The following CMSS1 variants were observed in gnomAD, a reference collection of about 807,000 sequenced individuals.
The protein encoded by CMSS1 is cms1 ribosomal small subunit homolog, also known as protein CMSS1.
Under a neutral mutation model 43.5 loss-of-function variants are expected in CMSS1, and 33 were observed. The ratio of observed to expected loss-of-function variants is 0.76; its 90% CI spans 0.57 to 1.01. The LOEUF (loss-of-function observed/expected upper bound fraction) is 1.01. Ranked by LOEUF, CMSS1 falls within the 50% of genes least tolerant of loss-of-function variation. The probability of loss-of-function intolerance (pLI) is 0.00; values close to 1 mark genes in which losing one functional copy is unlikely to be tolerated. For synonymous variants in CMSS1, 115 were observed against 117.2 expected, an observed-to-expected ratio of 0.98 and a Z score of 0.12; for missense variants, 313 against 326.4, an observed-to-expected ratio of 0.96 and a Z score of 0.32.
At chr3:100,009,406 T>G (rs1710078820) in intron 1 of CMSS1, among the ~76,000 whole-genome samples, 1 of 152,156 alleles carries the variant, frequency 6.6e-6, no homozygotes, top group African/African-American at 2.4e-5. Context: ...TCTGCTCCTG[T>G]TAGCAACCTG....
At chr3:99,959,369 C>T (rs1355004741) in intron 1 of CMSS1, among the ~76,000 whole-genome samples, 4 of 152,178 alleles carry the variant, frequency 2.6e-5, no homozygotes, top group Non-Finnish European at 5.9e-5. Flanking sequence ...AGGCTGGTCT[C>T]GAACTCCTGT....
At chr3:99,820,704 G>A (rs149125229) in intron 1 of CMSS1, among the ~76,000 whole-genome samples, 2,397 of 152,258 alleles carry the variant, frequency 0.016, 58 homozygotes, top group African/African-American at 0.054. Flanking sequence ...TTTGTTGATG[G>A]GATCTAGCCT....
chr3:99,829,858 C>CT (rs1942616660), intron 1 of CMSS1, among the ~76,000 whole-genome samples: 1 of 152,148 alleles, frequency 6.6e-6, no homozygotes, highest in African/African-American at 2.4e-5. Flanking sequence ...CTGTTATTCA[C>CT]TTTTGTTATG....
chr3:100,086,115 G>T (rs2066004407), intron 1 of CMSS1, among the ~76,000 whole-genome samples: 1 of 152,200 alleles, frequency 6.6e-6, no homozygotes, highest in Admixed American at 6.5e-5. Context: ...AAATAAACAT[G>T]TATCTTTCTG....
Position 100,177,404 on chromosome 3 carries a change from T to C in CMSS1, c.757-901T>C. Among the ~76,000 whole-genome samples, 3 of 152,378 alleles carry C rather than the reference T, an allele frequency of 2.0e-5. No homozygotes were observed. The East Asian group carries it at 5.8e-4, about 29-fold the overall frequency. On this transcript the variant is annotated intron_variant, in intron 9 of 9. Coordinates refer to ENST00000421999, the MANE Select transcript of CMSS1 (RefSeq NM_032359.4). ...ATAGTTGATTATTTCAGTTATAATA[T>C]TAAATTTGACTAATCTACTAAGTTT...
intron 1 of CMSS1, among the ~76,000 whole-genome samples, chr3:99,936,542 A>AAT (rs1707679470): frequency 7.3e-6 from 1 of 136,404 alleles, no homozygotes; most frequent in African/African-American, 2.9e-5. Flanking sequence ...CACCCAGCTA[A>AAT]TTTTTGTATT....
At chr3:99,843,267 G>T (rs2107509766) in intron 1 of CMSS1, among the ~76,000 whole-genome samples, 1 of 152,328 alleles carries the variant, frequency 6.6e-6, no homozygotes, top group African/African-American at 2.4e-5. Flanking sequence ...CCTTGTAGGT[G>T]TCAGACAGCC....
chr3:99,930,954 G>A (rs1367237814), intron 1 of CMSS1: 1 of 1,613,500 alleles, frequency 6.2e-7, no homozygotes, highest in African/African-American at 1.3e-5. Context: ...TGGAAACTGT[G>A]GCCTTTAGTA....
intron 1 of CMSS1, chr3:99,929,885 C>G: frequency 6.2e-7 from 1 of 1,613,538 alleles, no homozygotes; most frequent in Non-Finnish European, 8.5e-7. Context: ...TAGATGTCCT[C>G]CTGCCAAGGG....
At chr3:99,934,643 A>G (rs545060695) in intron 1 of CMSS1, among the ~76,000 whole-genome samples, 2 of 152,316 alleles carry the variant, frequency 1.3e-5, no homozygotes, top group South Asian at 2.1e-4. Context: ...AACATTGTTC[A>G]TAAGTAGTGC....
intron 1 of CMSS1, among the ~76,000 whole-genome samples, chr3:99,831,251 C>T (rs1234971296): frequency 6.6e-6 from 1 of 152,132 alleles, no homozygotes; most frequent in East Asian, 1.9e-4. Context: ...TTCAGGAAAA[C>T]GTTTACTTAG....
intron 1 of CMSS1, among the ~76,000 whole-genome samples, chr3:100,089,796 T>A (rs775301075): frequency 2.0e-5 from 3 of 152,244 alleles, no homozygotes; most frequent in Non-Finnish European, 4.4e-5. Flanking sequence ...TCAGGCTTTT[T>A]AAGTAGAATG....
intron 1 of CMSS1, among the ~76,000 whole-genome samples, chr3:99,968,359 C>A (rs1037768954): frequency 1.3e-4 from 20 of 151,648 alleles, no homozygotes; most frequent in Non-Finnish European, 1.0e-4. Flanking sequence ...AGATAAAGGA[C>A]CTGTTTTGCT....
At chr3:99,892,257 A>G (rs1706106643) in intron 1 of CMSS1, among the ~76,000 whole-genome samples, 1 of 152,226 alleles carries the variant, frequency 6.6e-6, no homozygotes, top group Non-Finnish European at 1.5e-5. Context: ...GAACCATGTA[A>G]TGTGAGGGCT....
chr3:100,080,154 T>C (rs2065908737), intron 1 of CMSS1, among the ~76,000 whole-genome samples: 1 of 152,174 alleles, frequency 6.6e-6, no homozygotes, highest in African/African-American at 2.4e-5. Flanking sequence ...TAAAAATTTC[T>C]ATTTTTTTAA....
intron 1 of CMSS1, among the ~76,000 whole-genome samples, chr3:99,881,431 AGG>A (rs1338140201): frequency 5.9e-5 from 9 of 152,176 alleles, no homozygotes; most frequent in Non-Finnish European, 1.0e-4. Flanking sequence ...AAGACCTATT[AGG>A]TCATCTTCCC....
At chr3:99,864,031 A>G (rs1944388474) in intron 1 of CMSS1, among the ~76,000 whole-genome samples, 2 of 152,242 alleles carry the variant, frequency 1.3e-5, no homozygotes, top group South Asian at 4.1e-4. Context: ...ACTTCATGCT[A>G]AAGAAATTAA....
chr3:99,927,664 C>G (rs753774287), intron 1 of CMSS1, among the ~76,000 whole-genome samples: 1 of 152,126 alleles, frequency 6.6e-6, no homozygotes, highest in African/African-American at 2.4e-5. Flanking sequence ...CCACTGCGCC[C>G]GGCCCATATT....
At chr3:99,904,134 A>G (rs573895097) in intron 1 of CMSS1, among the ~76,000 whole-genome samples, 71 of 152,338 alleles carry the variant, frequency 4.7e-4, no homozygotes, top group Non-Finnish European at 9.7e-4. Flanking sequence ...ATTTCTGGCA[A>G]TAGTGAGTGT....
Sources: allele counts gnomAD v4.1 joint callset (sites outside exome capture counted in the v4.1 genomes callset), GRCh38; gene constraint gnomAD v4.1.1; transcripts MANE v1.5; gene names NCBI Gene and HGNC (gene_info 2026-07-23, HGNC 2026-07-21).